DGKD: variants seen among roughly 807,000 people sequenced by gnomAD.
The protein encoded by DGKD is DAG kinase delta.
In DGKD, 68 loss-of-function variants were observed where a neutral mutation model predicts 154.4. That is an observed-to-expected ratio of 0.44 (90% CI 0.36 to 0.54). DGKD has a LOEUF of 0.54. Ranked by LOEUF, DGKD falls within the 20% of genes least tolerant of loss-of-function variation. The probability of loss-of-function intolerance (pLI) is 0.00; values close to 1 mark genes in which losing one functional copy is unlikely to be tolerated. For missense variants in DGKD, 1,343 were observed against 1,593.6 expected, an observed-to-expected ratio of 0.84 and a Z score of 2.68; for synonymous variants, 693 against 638.0, an observed-to-expected ratio of 1.09 and a Z score of -1.30.
chr2:233,361,994 T>TA (rs1701804188), intron 1 of DGKD, among the ~76,000 whole-genome samples: 1 of 152,114 alleles, frequency 6.6e-6, no homozygotes, highest in Non-Finnish European at 1.5e-5. Flanking sequence ...GACGGAGTCT[T>TA]ACCATGTTAG....
At chr2:233,376,527 G>A (rs894491701) in intron 1 of DGKD, among the ~76,000 whole-genome samples, 2 of 152,090 alleles carry the variant, frequency 1.3e-5, no homozygotes, top group African/African-American at 4.8e-5. Context: ...CTTGCCCATG[G>A]TTCTGTGAAA....
intron 26 of DGKD, among the ~76,000 whole-genome samples, chr2:233,463,651 G>GTCCTCACTGCACGCATC (rs1559184145): frequency 2.0e-4 from 3 of 14,988 alleles, no homozygotes; most frequent in South Asian, 1.3e-3. Flanking sequence ...CTCCACGCAT[G>GTCCTCACTGCACGCATC]TCCTCACTGC....
chr2:233,441,310 C>T lies in DGKD; in HGVS notation c.1086-577C>T, dbSNP rs539236155. 4.4e-4 allele frequency among the ~76,000 whole-genome samples: 67 copies of T among 152,296 alleles called. No individual in the cohort carries two copies. The highest frequency in any genetic ancestry group is 1.5e-3 in the African/African-American group (64 of 41,556). On this transcript the variant is annotated intron_variant, in intron 9 of 29. Transcript: ENST00000264057. This position sits in a 1 kb window ranked among gnomAD's most constrained non-coding sequence, Gnocchi z 5.6. ...GACTGAGTGGGCCCAGGCATATGTG[C>T]TGCAGTGGGGACACGCAGCCCGCAG...
intron 1 of DGKD, among the ~76,000 whole-genome samples, chr2:233,368,548 C>T (rs1158653357): frequency 6.6e-6 from 1 of 152,012 alleles, no homozygotes; most frequent in Non-Finnish European, 1.5e-5. Flanking sequence ...TCACTTCAAC[C>T]GAGTTAAGGA....
chr2:233,389,712 C>T (rs1267415942), intron 2 of DGKD, among the ~76,000 whole-genome samples: 4 of 152,062 alleles, frequency 2.6e-5, no homozygotes, highest in African/African-American at 9.7e-5. Flanking sequence ...ATAGAGCCAT[C>T]GTAGAATAGA....
Position 233,454,835 on chromosome 2 carries a change from C to CT in DGKD, c.2340dup (p.Asn781Ter). On this transcript the variant is annotated frameshift_variant, in exon 19 of 30. Coordinates refer to ENST00000264057, the MANE Select transcript of DGKD (RefSeq NM_152879.3). LOFTEE classifies it high-confidence loss of function. ...GCCTGGATGCGAAGATATCCCTGGA[C>CT]TTTAACAACAAGCGCGATGAGCACC... The CT allele has an allele frequency of 6.2e-7, 1 of 1,614,052 alleles. No homozygotes were observed. Among genetic ancestry groups the CT allele is most frequent in the Non-Finnish European group, 8.5e-7 (1 of 1,179,912 alleles).
intron 1 of DGKD, among the ~76,000 whole-genome samples, chr2:233,362,735 A>G (rs2125379107): frequency 6.6e-6 from 1 of 152,372 alleles, no homozygotes; most frequent in East Asian, 1.9e-4. Context: ...CGATAGCCGT[A>G]TGAACTGAAA....
intron 3 of DGKD, among the ~76,000 whole-genome samples, chr2:233,407,475 T>C (rs1328710550): frequency 6.6e-6 from 1 of 152,214 alleles, no homozygotes; most frequent in African/African-American, 2.4e-5. Context: ...TGCGTTTAAA[T>C]CTTGTCATGG....
intron 1 of DGKD, among the ~76,000 whole-genome samples, chr2:233,376,341 C>G (rs929391841): frequency 1.3e-5 from 2 of 152,210 alleles, no homozygotes; most frequent in African/African-American, 4.8e-5. Context: ...TCAGACAGAT[C>G]TGGGTCTGAA....
At chr2:233,377,747 G>A (rs1459252933) in intron 1 of DGKD, among the ~76,000 whole-genome samples, 1 of 152,128 alleles carries the variant, frequency 6.6e-6, no homozygotes, top group Non-Finnish European at 1.5e-5. Flanking sequence ...CCGTTTTGCA[G>A]TCGTGTTGAG....
intron 3 of DGKD, 87 bp downstream of exon 3, chr2:233,390,570 C>T (rs774753453): frequency 4.4e-5 from 41 of 940,270 alleles, no homozygotes; most frequent in Middle Eastern, 2.2e-4. Context: ...GCAGTTCAAA[C>T]GTTTTCATTC....
chr2:233,454,319 T>C (rs575361376), intron 18 of DGKD: 57 of 461,914 alleles, frequency 1.2e-4, no homozygotes, highest in Non-Finnish European at 2.3e-4. Flanking sequence ...ACACATGTTA[T>C]AACATGGATG....
intron 1 of DGKD, among the ~76,000 whole-genome samples, chr2:233,367,205 A>G (rs546654353): frequency 3.9e-4 from 59 of 149,812 alleles, no homozygotes; most frequent in African/African-American, 1.4e-3. Context: ...TCAAGAGACA[A>G]GGGCAGTTGT....
At chr2:233,399,778 G>T (rs1377440787) in intron 3 of DGKD, among the ~76,000 whole-genome samples, 1 of 152,180 alleles carries the variant, frequency 6.6e-6, no homozygotes, top group Non-Finnish European at 1.5e-5. Flanking sequence ...TGGCTAGGTG[G>T]ATGAGAAGGG....
At position 233,354,616 on chromosome 2, in the gene DGKD, C is replaced by T. The variant is rs750944437; in HGVS notation, c.98C>T (p.Pro33Leu). Residue 33 changes from proline to leucine, a missense_variant, in exon 1 of 30, where the codon CCC (proline) becomes CTC (leucine). By Grantham distance (98) the Pro-to-Leu change is moderately conservative. Transcript: ENST00000264057. This position sits in a 1 kb window ranked among gnomAD's most constrained non-coding sequence, Gnocchi z 4.8. ...TCCGACAGCGAGCCCGAGGCGGAGC[C>T]CGGCTCCCCACAGAAGCTCATCCGC... ...ESSDSEPEAE[P>L]GSPQKLIRKV... The T allele has an allele frequency of 1.0e-4, 116 of 1,129,016 alleles. No homozygotes were observed. The highest frequency in any genetic ancestry group is 1.2e-4 in the Non-Finnish European group (105 of 904,694). The allele number at this position is 1,129,016 out of a possible 1,614,324, so 69.9% of individuals were successfully genotyped here. A position where few individuals can be genotyped will look rare whatever the true frequency, so the allele number is the denominator to read the frequency against.
chr2:233,465,078 C>T (rs747991346), intron 27 of DGKD, among the ~76,000 whole-genome samples: 5 of 152,198 alleles, frequency 3.3e-5, no homozygotes, highest in Admixed American at 1.3e-4. Flanking sequence ...CGTTTTTTGA[C>T]GCATGCAATC....
chr2:233,379,615 G>A (rs1702779421), intron 1 of DGKD, among the ~76,000 whole-genome samples: 1 of 152,160 alleles, frequency 6.6e-6, no homozygotes, highest in Non-Finnish European at 1.5e-5. Context: ...TCAGGTAATT[G>A]TAGTGGCAGT....
In DGKD at chr2:233,443,521, A is replaced by T. The variant is rs146616216; in HGVS notation, c.1194+1526A>T. Among the ~76,000 whole-genome samples, 968 of 152,064 alleles carry T rather than the reference A, an allele frequency of 6.4e-3. 8 individuals carry two copies. Among genetic ancestry groups the T allele is most frequent in the African/African-American group, 0.022 (916 of 41,440 alleles). On this transcript the variant is annotated intron_variant, in intron 10 of 29. Coordinates refer to ENST00000264057, the MANE Select transcript of DGKD (RefSeq NM_152879.3). Reference sequence around the variant, plus strand: ...GTCTGTCATATTTGCAGCTGCCTACACCCCAAGATTAAGATTTGCATCTGT... The same window carrying T: ...GTCTGTCATATTTGCAGCTGCCTACTCCCCAAGATTAAGATTTGCATCTGT...
In DGKD at chr2:233,458,427, C is replaced by A. The variant is rs751903887; in HGVS notation, c.2694+30C>A. 8 of 1,545,244 alleles carry A rather than the reference C, an allele frequency of 5.2e-6. No individual in the cohort carries two copies. Among genetic ancestry groups the A allele is most frequent in the African/African-American group, 1.4e-5 (1 of 73,896 alleles). On this transcript the variant is annotated intron_variant, in intron 22 of 29. Coordinates refer to ENST00000264057, the MANE Select transcript of DGKD (RefSeq NM_152879.3). This position sits in a 1 kb window ranked among gnomAD's most constrained non-coding sequence, Gnocchi z 6.6. ...TGGCCATGGTCCTGGGGTGTCTGGC[C>A]GAGTCCCCAGCCCGGAGTGTGCTAA...
Sources: gnomAD v4.1 joint callset for allele counts (sites outside exome capture counted in the v4.1 genomes callset) on GRCh38, gnomAD v4.1.1 for gene constraint, Gnocchi (gnomAD v3.1) non-coding constraint, MANE v1.5 for transcripts, NCBI Gene and HGNC (gene_info 2026-07-23, HGNC 2026-07-21) for gene names.